The following CYP19A1 variants were observed in gnomAD, a reference collection of about 807,000 sequenced individuals.
CYP19A1 encodes the protein aromatase.
CYP19A1 carries 32 observed loss-of-function variants against 44.4 expected under a neutral mutation model. The observed-to-expected ratio is 0.72, with a 90% CI of 0.54 to 0.97. The LOEUF is 0.97. Among genes scored for constraint, CYP19A1 ranks in the 50% least tolerant of loss-of-function variants. The pLI, the probability that CYP19A1 is intolerant of heterozygous loss-of-function variation, is 0.00. For synonymous variants in CYP19A1, 212 were observed against 215.6 expected (o/e 0.98, Z 0.14); for missense variants, 598 against 637.8 (o/e 0.94, Z 0.67).
chr15:51,277,006 G>C (rs1199715363), intron 1 of CYP19A1: 2 of 149,408 alleles, frequency 1.3e-5, no homozygotes, highest in Non-Finnish European at 3.0e-5. Flanking sequence ...TTGCACCTCT[G>C]AAAGGGCACA....
At chr15:51,283,596 A>G (rs1307500098) in intron 1 of CYP19A1, among the ~76,000 whole-genome samples, 1 of 152,234 alleles carries the variant, frequency 6.6e-6, no homozygotes, top group African/African-American at 2.4e-5. Context: ...CCCATTTCTC[A>G]GGCTCTTGTT....
Position 51,227,932 on chromosome 15 carries a change from AC to A in CYP19A1, c.297del (p.Lys99AsnfsTer8). 1.3e-6 allele frequency: 2 copies of A among 1,575,712 alleles called. No homozygotes were observed. Among genetic ancestry groups the A allele is most frequent in the Non-Finnish European group, 1.7e-6 (2 of 1,144,982 alleles). ...ISGEETLIIS[K>X]SSSMFHIMKH... Reference sequence around the variant, plus strand: ...TTCATTATGTGGAACATACTTGAGGACCTGAAAAGACAGGAAACTTTGGTGT... The same window carrying A: ...TTCATTATGTGGAACATACTTGAGGACTGAAAAGACAGGAAACTTTGGTGT... On this transcript the variant is annotated frameshift_variant and splice_region_variant, in exon 4 of 10. Coordinates refer to ENST00000396402, the MANE Select transcript of CYP19A1 (RefSeq NM_000103.4). LOFTEE classifies it high-confidence loss of function.
rs2036250064 is a variant in CYP19A1, at chr15:51,308,283, CCCTTGGGCTGCCTCTGATCCCCA to C, written c.-39+30189_-39+30211del. Among the ~76,000 whole-genome samples the C allele has an allele frequency of 3.3e-5, 5 of 152,188 alleles. No homozygotes were observed. In the South Asian group the frequency reaches 1.0e-3, roughly 32 times the overall value. On this transcript the variant is annotated intron_variant, in intron 1 of 9. Transcript: ENST00000396402. ...GGAGAGTAGAAGGAATGACTCTTCTCCCTTGGGCTGCCTCTGATCCCCACCAAGTCGGTCCTCTGTCCCCAACT... is the reference window on the plus strand; with the variant it reads ...GGAGAGTAGAAGGAATGACTCTTCTCCCAAGTCGGTCCTCTGTCCCCAACT...
At position 51,215,705 on chromosome 15, in the gene CYP19A1, C is replaced by T; in HGVS notation, c.856G>A (p.Glu286Lys). ...MDFATELILA[E>K]KRGDLTRENV... ...TTACAGTTAGTTCAGGTCAGTACCT[C>T]TGCTAAAATCAACTCAGTGGCAAAG... Residue 286 changes from glutamate to lysine, a missense_variant and splice_region_variant, in exon 7 of 10, where the codon GAG (glutamate) becomes AAG (lysine). By Grantham distance (56) the Glu-to-Lys change is moderately conservative. Transcript: ENST00000396402. The T allele has an allele frequency of 6.2e-7, 1 of 1,613,996 alleles. No homozygotes were observed. The highest frequency in any genetic ancestry group is 1.1e-5 in the South Asian group (1 of 91,080).
At chr15:51,229,050 C>G (rs1234239707) in intron 3 of CYP19A1, among the ~76,000 whole-genome samples, 1 of 152,168 alleles carries the variant, frequency 6.6e-6, no homozygotes, top group African/African-American at 2.4e-5. Flanking sequence ...TGTTGAAATA[C>G]ATTCCCAGAG....
At chr15:51,294,126 G>A (rs1338351406) in intron 1 of CYP19A1, among the ~76,000 whole-genome samples, 8 of 137,262 alleles carry the variant, frequency 5.8e-5, no homozygotes, top group South Asian at 2.5e-4. Flanking sequence ...GTCTCTGCCC[G>A]GCTGCCCATC....
intron 1 of CYP19A1, among the ~76,000 whole-genome samples, chr15:51,293,054 G>T (rs1234947037): frequency 6.6e-6 from 1 of 151,366 alleles, no homozygotes; most frequent in African/African-American, 2.4e-5. Context: ...CGAGCTGTGG[G>T]AACAAGGAAC....
intron 9 of CYP19A1, chr15:51,211,699 G>A: frequency 2.3e-6 from 1 of 436,704 alleles, no homozygotes; most frequent in South Asian, 1.7e-5. Context: ...ATTGAAAAAA[G>A]GGCACTTAGG....
At chr15:51,283,638 A>C (rs2035604049) in intron 1 of CYP19A1, among the ~76,000 whole-genome samples, 1 of 152,192 alleles carries the variant, frequency 6.6e-6, no homozygotes, top group Admixed American at 6.5e-5. Context: ...ACAAAAAAGG[A>C]ATGTAGAAAA....
intron 4 of CYP19A1, among the ~76,000 whole-genome samples, chr15:51,223,591 TCTCACA>T (rs1208092770): frequency 1.8e-5 from 1 of 56,940 alleles, no homozygotes; most frequent in African/African-American, 5.6e-5. Context: ...TCTCTCTCTC[TCTCACA>T]CACACACACA....
At chr15:51,252,631 C>A (rs191406330) in intron 1 of CYP19A1, among the ~76,000 whole-genome samples, 1 of 152,352 alleles carries the variant, frequency 6.6e-6, no homozygotes, top group East Asian at 1.9e-4. Context: ...CAGACTCACA[C>A]TGTGGCCCTG....
intron 1 of CYP19A1, among the ~76,000 whole-genome samples, chr15:51,319,624 T>C (rs994671704): frequency 1.3e-5 from 2 of 152,348 alleles, no homozygotes; most frequent in Non-Finnish European, 2.9e-5. Context: ...TGTTTCTTCA[T>C]TGGCTGCAGG....
chr15:51,302,736 C>T (rs143461237), intron 1 of CYP19A1, among the ~76,000 whole-genome samples: 5 of 152,356 alleles, frequency 3.3e-5, no homozygotes, highest in African/African-American at 1.2e-4. Flanking sequence ...AGCTCAAACG[C>T]GACCTCCTCT....
Position 51,295,137 on chromosome 15 carries a change from T to G in CYP19A1, c.-39+43358A>C, listed in dbSNP as rs951318638. ...GGGCTTGGAGCGAATTAACAACGTG[T>G]TTTTTTTTTTTTTTTTTTAATTAAT... On this transcript the variant is annotated intron_variant, in intron 1 of 9. Coordinates refer to ENST00000396402, the MANE Select transcript of CYP19A1 (RefSeq NM_000103.4). Among the ~76,000 whole-genome samples, 7 of 62,156 alleles carry G rather than the reference T, an allele frequency of 1.1e-4. No homozygotes were observed. In the East Asian group the frequency reaches 2.0e-3, roughly 18 times the overall value. The allele number at this position is 62,156 out of a possible 152,430, so 40.8% of individuals were successfully genotyped here.
chr15:51,247,325 C>T (rs2034106136), intron 1 of CYP19A1, among the ~76,000 whole-genome samples: 1 of 152,162 alleles, frequency 6.6e-6, no homozygotes, highest in South Asian at 2.1e-4. Flanking sequence ...TTGCCTCTGT[C>T]TTCTCCATGT....
chr15:51,222,739 G>A (rs1308379995), intron 4 of CYP19A1, among the ~76,000 whole-genome samples: 1 of 152,182 alleles, frequency 6.6e-6, no homozygotes, highest in Non-Finnish European at 1.5e-5. Flanking sequence ...ATGAACGGAA[G>A]GAGATAGGGA....
intron 6 of CYP19A1, 169 bp from the exon 7 acceptor site, chr15:51,215,986 T>C (rs2141044397): frequency 1.5e-6 from 2 of 1,308,182 alleles, no homozygotes; most frequent in African/African-American, 1.5e-5. Flanking sequence ...TTAAATTACA[T>C]AGACCCTACA....
chr15:51,282,589 C>T (rs57838664), intron 1 of CYP19A1, among the ~76,000 whole-genome samples: 9 of 152,364 alleles, frequency 5.9e-5, no homozygotes, highest in African/African-American at 9.6e-5. Context: ...GCGTTGGCCA[C>T]CTGGACCCAC....
At chr15:51,292,790 G>C (rs1283904941) in intron 1 of CYP19A1, among the ~76,000 whole-genome samples, 1 of 151,906 alleles carries the variant, frequency 6.6e-6, no homozygotes, top group Non-Finnish European at 1.5e-5. Context: ...GGAAGGTCGG[G>C]GTCCTTCTTC....
Sources: allele counts gnomAD v4.1 joint callset (sites outside exome capture counted in the v4.1 genomes callset), GRCh38; gene constraint gnomAD v4.1.1; transcripts MANE v1.5; gene names NCBI Gene and HGNC (gene_info 2026-07-23, HGNC 2026-07-21).